The following P3H2 variants were observed in gnomAD, a reference collection of about 807,000 sequenced individuals.
P3H2 encodes the protein leprecan-like 1.
P3H2 carries 80 observed loss-of-function variants against 87.0 expected under a neutral mutation model. That is an observed-to-expected ratio of 0.92 (90% CI 0.77 to 1.11). The LOEUF (loss-of-function observed/expected upper bound fraction) is 1.11. Ranked by LOEUF, P3H2 falls within the 50% of genes least tolerant of loss-of-function variation. P3H2 has a pLI of 0.00. For missense variants in P3H2, 1,001 were observed against 923.9 expected (o/e 1.08, Z -1.08); for synonymous variants, 367 against 359.3 (o/e 1.02, Z -0.24).
intron 1 of P3H2, among the ~76,000 whole-genome samples, chr3:189,998,422 A>G (rs1224270981): frequency 3.3e-5 from 5 of 152,200 alleles, no homozygotes; most frequent in Non-Finnish European, 7.3e-5. Flanking sequence ...TTACTGAAAT[A>G]TGTCATGTCC....
At chr3:190,024,530 C>CAAAAAAAAAAAA (rs71635314) in intron 1 of P3H2, among the ~76,000 whole-genome samples, 26 of 52,726 alleles carry the variant, frequency 4.9e-4, no homozygotes, top group East Asian at 6.2e-4. Flanking sequence ...GGTTCCCTCT[C>CAAAAAAAAAAAA]AAAAAAAAAA....
At chr3:189,966,043 G>A (rs1722966544) in intron 13 of P3H2, among the ~76,000 whole-genome samples, 1 of 126,596 alleles carries the variant, frequency 7.9e-6, no homozygotes, top group Non-Finnish European at 1.7e-5. Flanking sequence ...GAGAAAGAAA[G>A]AAAAGAAAGA....
At chr3:189,981,156 C>T (rs80217866) in intron 8 of P3H2, among the ~76,000 whole-genome samples, 1,957 of 152,304 alleles carry the variant, frequency 0.013, 37 homozygotes, top group African/African-American at 0.045. Context: ...ACAAGAGTTT[C>T]CTGAGTTCTG....
chr3:189,987,859 G>GTTA, intron 4 of P3H2, 190 bp from the exon 5 acceptor site: 1 of 656,128 alleles, frequency 1.5e-6, no homozygotes, highest in Non-Finnish European at 2.6e-6. Context: ...GTATTCAAAA[G>GTTA]TTATTACCTT....
chr3:190,120,378 G>C lies in P3H2; in HGVS notation c.354C>G (p.Arg118=). The change falls in exon 1 of 15, where the codon CGC becomes CGG. Residue 118 remains arginine, a synonymous_variant. Transcript: ENST00000319332. ...PLFRSLLGRA[R]CYRSCETQRL... is the part of the protein sequence containing the mutation. Reference sequence around the variant, plus strand: ...GCTGGGTCTCACAGCTGCGATAACAGCGCGCCCGCCCCAACAAGGAGCGGA... The same window carrying C: ...GCTGGGTCTCACAGCTGCGATAACACCGCGCCCGCCCCAACAAGGAGCGGA... 1 of 1,546,310 alleles carries C rather than the reference G, an allele frequency of 6.5e-7. No individual in the cohort carries two copies. The highest frequency in any genetic ancestry group is 1.4e-5 in the African/African-American group (1 of 73,344).
rs912779353 is a variant in P3H2, at chr3:190,068,744, A to T, written c.480+51508T>A. Among the ~76,000 whole-genome samples the T allele has an allele frequency of 3.3e-5, 5 of 151,854 alleles. No individual in the cohort carries two copies. The East Asian group carries it at 9.7e-4, about 29-fold the overall frequency. On this transcript the variant is annotated intron_variant, in intron 1 of 14. Coordinates refer to ENST00000319332, the MANE Select transcript of P3H2 (RefSeq NM_018192.4). ...AGAAGGCTTATCACTTAAAAGAGTT[A>T]CCGATTTTTCTCGGTAAAATGACAG... is the stretch of plus-strand genomic sequence containing the variant.
chr3:189,966,123 A>AAAAGAAAAAGAAAGAAAG, intron 13 of P3H2, among the ~76,000 whole-genome samples: 1 of 102,236 alleles, frequency 9.8e-6, no homozygotes, highest in African/African-American at 4.1e-5. Flanking sequence ...GAAAGAAAGA[A>AAAAGAAAAAGAAAGAAAG]AAAGAAAGAA....
In P3H2 at chr3:190,046,122, CAA is replaced by C. The variant is rs62695060; in HGVS notation, c.481-50682_481-50681del. Among the ~76,000 whole-genome samples, 817 of 117,960 alleles carry C rather than the reference CAA, an allele frequency of 6.9e-3. 7 individuals are homozygous for C. The highest frequency in any genetic ancestry group is 0.018 in the African/African-American group (578 of 31,558). 77.4% of individuals were successfully genotyped at this position (117,960 alleles called of 152,430 possible). A position where few individuals can be genotyped will look rare whatever the true frequency, so the allele number is the denominator to read the frequency against. Reference sequence around the variant, plus strand: ...TGGGCGACAGAGCAAGACTCCATCTCAAAAAAAAAAAAAAAAAAGAGTTCAAA... The same window carrying C: ...TGGGCGACAGAGCAAGACTCCATCTCAAAAAAAAAAAAAAAAGAGTTCAAA... On this transcript the variant is annotated intron_variant, in intron 1 of 14. Coordinates refer to ENST00000319332, the MANE Select transcript of P3H2 (RefSeq NM_018192.4).
chr3:190,070,599 A>G (rs572470613), intron 1 of P3H2, among the ~76,000 whole-genome samples: 1 of 152,310 alleles, frequency 6.6e-6, no homozygotes, highest in South Asian at 2.1e-4. Flanking sequence ...AGTTCCATCA[A>G]AGAGGCAACG....
At chr3:190,095,701 C>T (rs7648675) in intron 1 of P3H2, among the ~76,000 whole-genome samples, 22,908 of 150,766 alleles carry the variant, frequency 0.15, 1,951 homozygotes, top group Middle Eastern at 0.22. Context: ...CCCGGGTTCA[C>T]GCCATTCTCC....
intron 13 of P3H2, among the ~76,000 whole-genome samples, chr3:189,967,645 A>G (rs1001446300): frequency 4.6e-5 from 7 of 152,074 alleles, no homozygotes; most frequent in Admixed American, 2.0e-4. Flanking sequence ...CAGATCGTCA[A>G]TCTTGATTTA....
At chr3:190,054,777 T>A (rs1726096854) in intron 1 of P3H2, among the ~76,000 whole-genome samples, 1 of 152,138 alleles carries the variant, frequency 6.6e-6, no homozygotes, top group African/African-American at 2.4e-5. Context: ...CCCCATCCCC[T>A]CACCTCACTT....
At chr3:190,047,074 T>C (rs1371285723) in intron 1 of P3H2, among the ~76,000 whole-genome samples, 1 of 151,924 alleles carries the variant, frequency 6.6e-6, no homozygotes, top group African/African-American at 2.4e-5. Context: ...GATCTAAAAA[T>C]GGGCAAAAGA....
intron 8 of P3H2, among the ~76,000 whole-genome samples, chr3:189,980,273 A>G (rs921562480): frequency 7.9e-5 from 12 of 152,192 alleles, no homozygotes; most frequent in African/African-American, 2.9e-4. Context: ...AGATTAAGAT[A>G]TGAAAATGTT....
At chr3:190,110,094 G>A (rs57088593) in intron 1 of P3H2, among the ~76,000 whole-genome samples, 9 of 151,726 alleles carry the variant, frequency 5.9e-5, no homozygotes, top group Non-Finnish European at 1.2e-4. Context: ...GGTGATCCAC[G>A]CTCCTCAGCC....
Position 190,120,397 on chromosome 3 carries a change from G to T in P3H2, c.335C>A (p.Ser112Tyr). The stretch of plus-strand genomic sequence containing the variant: ...ATAACAGCGCGCCCGCCCCAACAAG[G>T]AGCGGAAAAGGGGCAGCTCAGCGCC... The part of the protein sequence containing the change: ...GPGAELPLFR[S>Y]LLGRARCYRS... Residue 112 changes from serine to tyrosine, a missense_variant, in exon 1 of 15, where the codon TCC becomes TAC. Coordinates refer to ENST00000319332, the MANE Select transcript of P3H2 (RefSeq NM_018192.4). The T allele has an allele frequency of 2.6e-6, 4 of 1,543,590 alleles. No individual in the cohort carries two copies. The highest frequency in any genetic ancestry group is 1.4e-5 in the African/African-American group (1 of 73,506).
intron 1 of P3H2, among the ~76,000 whole-genome samples, chr3:190,004,879 A>G (rs1227147494): frequency 1.3e-5 from 2 of 152,164 alleles, no homozygotes; most frequent in Non-Finnish European, 2.9e-5. Context: ...CTGGCCATCA[A>G]TTTACTACAG....
At chr3:190,001,622 G>C (rs796597733) in intron 1 of P3H2, among the ~76,000 whole-genome samples, 1 of 152,158 alleles carries the variant, frequency 6.6e-6, no homozygotes, top group African/African-American at 2.4e-5. Context: ...CACAGCGCAA[G>C]TTCTAAGCTC....
chr3:190,110,817 G>T (rs1712041698), intron 1 of P3H2, among the ~76,000 whole-genome samples: 1 of 152,142 alleles, frequency 6.6e-6, no homozygotes, highest in Admixed American at 6.5e-5. Flanking sequence ...CAAATTTCCT[G>T]TGCTTCCAGA....
Sources: allele counts gnomAD v4.1 joint callset (sites outside exome capture counted in the v4.1 genomes callset), GRCh38; gene constraint gnomAD v4.1.1; transcripts MANE v1.5; gene names NCBI Gene and HGNC (gene_info 2026-07-23, HGNC 2026-07-21).